The following ZDHHC21 variants were observed in gnomAD, a reference collection of about 807,000 sequenced individuals.
The protein encoded by ZDHHC21 is palmitoyltransferase ZDHHC21.
A neutral mutation model predicts 34.6 loss-of-function variants in ZDHHC21; 15 were observed. That is an observed-to-expected ratio of 0.43 (90% CI 0.29 to 0.67). The LOEUF is 0.67. Among genes scored for constraint, ZDHHC21 ranks in the 30% least tolerant of loss-of-function variants. The pLI is 0.14. For missense variants in ZDHHC21, 344 were observed against 327.7 expected (o/e 1.05, Z -0.38); for synonymous variants, 142 against 101.8 (o/e 1.40, Z -2.38).
chr9:14,672,774 TA>T, intron 5 of ZDHHC21, 55 bp downstream of exon 5: 1 of 1,187,258 alleles, frequency 8.4e-7, no homozygotes, highest in Non-Finnish European at 1.2e-6. Flanking sequence ...ATAAAATATG[TA>T]AATAAAGACA....
chr9:14,639,684 C>T (rs911581060), intron 8 of ZDHHC21, among the ~76,000 whole-genome samples: 4 of 151,988 alleles, frequency 2.6e-5, no homozygotes, highest in African/African-American at 9.7e-5. Context: ...TATAAAAACA[C>T]TGTATTTGTT....
intron 2 of ZDHHC21, among the ~76,000 whole-genome samples, chr9:14,684,283 G>C (rs1353839543): frequency 6.6e-6 from 1 of 151,842 alleles, no homozygotes; most frequent in Non-Finnish European, 1.5e-5. Context: ...CAGATGACAT[G>C]ATTGTGTATT....
intron 8 of ZDHHC21, 65 bp downstream of exon 8, chr9:14,639,831 G>C: frequency 2.1e-6 from 2 of 947,786 alleles, no homozygotes; most frequent in Non-Finnish European, 3.0e-6. Context: ...TATAACTTTT[G>C]AGAATTACAT....
rs374328304 is a variant in ZDHHC21, at chr9:14,684,193, T to C, written c.-175-4031A>G. ...TCCTATTCAACATAGTGTTGGAAGT[T>C]CTGGCCAGGGCAATTAGGCAGGAGA... On this transcript the variant is annotated intron_variant, in intron 2 of 9. Transcript: ENST00000380916. 4.6e-5 allele frequency among the ~76,000 whole-genome samples: 7 copies of C among 151,302 alleles called. No homozygotes were observed. In the East Asian group the frequency reaches 1.4e-3, roughly 30 times the overall value.
chr9:14,652,186 A>T (rs1272210280), intron 7 of ZDHHC21, among the ~76,000 whole-genome samples: 31 of 151,828 alleles, frequency 2.0e-4, no homozygotes, highest in Admixed American at 1.3e-3. Context: ...AGTTTCTGCA[A>T]TTTTTCTAGA....
In ZDHHC21 at chr9:14,681,498, G is replaced by C. The variant is rs1837364358; in HGVS notation, c.-175-1336C>G. ...ACTGTTAAACCATGCCAGTGAGTTT[G>C]GATTTCACCTGGAACACAGTGGAAA... is the stretch of plus-strand genomic sequence containing the variant. On this transcript the variant is annotated intron_variant, in intron 2 of 9. Transcript: ENST00000380916. Among the ~76,000 whole-genome samples the C allele has an allele frequency of 3.9e-5, 6 of 152,162 alleles. 1 individual carries two copies. The South Asian group carries it at 1.2e-3, about 31-fold the overall frequency.
intron 8 of ZDHHC21, among the ~76,000 whole-genome samples, chr9:14,624,172 G>C (rs181660756): frequency 6.6e-6 from 1 of 151,654 alleles, no homozygotes; most frequent in Non-Finnish European, 1.5e-5. Context: ...ACGTTGTATC[G>C]GGTATTATAA....
At chr9:14,638,507 C>CA (rs1233924447) in intron 8 of ZDHHC21, among the ~76,000 whole-genome samples, 1 of 151,770 alleles carries the variant, frequency 6.6e-6, no homozygotes, top group Non-Finnish European at 1.5e-5. Context: ...GCTAAGACCT[C>CA]AAAAAATGCA....
At chr9:14,672,975 C>T in intron 4 of ZDHHC21, 47 bp from the exon 5 acceptor site, 2 of 1,194,686 alleles carry the variant, frequency 1.7e-6, no homozygotes, top group Non-Finnish European at 2.3e-6. Flanking sequence ...CCCTTCAAAA[C>T]ATTTTATCAA....
chr9:14,596,636 A>G, the ZDHHC21 span, among the ~76,000 whole-genome samples: 2 of 152,228 alleles, frequency 1.3e-5, no homozygotes, highest in Non-Finnish European at 2.9e-5. Context: ...CTGGATTCAG[A>G]TAGGAAGACT....
chr9:14,607,421 T>A (rs538959861), downstream of ZDHHC21, among the ~76,000 whole-genome samples: 12 of 152,216 alleles, frequency 7.9e-5, no homozygotes, highest in Admixed American at 2.0e-4. Flanking sequence ...AAAGTTATTA[T>A]ATGTTAATAG....
In ZDHHC21 at chr9:14,615,386, C is replaced by A. The variant is rs960217377; in HGVS notation, c.*3580G>T. On this transcript the variant is annotated 3_prime_UTR_variant, in exon 10 of 10. Coordinates refer to ENST00000380916, the MANE Select transcript of ZDHHC21 (RefSeq NM_178566.6). Reference sequence around the variant, plus strand: ...GTTAATCCTGGCAGATGTTTTAACTCAGCTGTTATACTGAACATTACGTAT... The same window carrying A: ...GTTAATCCTGGCAGATGTTTTAACTAAGCTGTTATACTGAACATTACGTAT... The A allele has an allele frequency of 6.6e-6, 1 of 151,666 alleles. No homozygotes were observed. The highest frequency in any genetic ancestry group is 1.5e-5 in the Non-Finnish European group (1 of 67,698). 9.4% of individuals were successfully genotyped at this position (151,666 alleles called of 1,614,324 possible). A position where few individuals can be genotyped will look rare whatever the true frequency, so the allele number is the denominator to read the frequency against.
intron 8 of ZDHHC21, among the ~76,000 whole-genome samples, chr9:14,631,367 T>C (rs977739072): frequency 2.6e-5 from 4 of 152,178 alleles, no homozygotes; most frequent in Non-Finnish European, 5.9e-5. Flanking sequence ...AATTGAAGAG[T>C]TGGGGCCTTG....
intron 5 of ZDHHC21, among the ~76,000 whole-genome samples, chr9:14,668,317 G>C (rs1834856704): frequency 1.7e-5 from 2 of 117,440 alleles, no homozygotes; most frequent in Non-Finnish European, 3.5e-5. Flanking sequence ...CCTCTTCAAG[G>C]AGAACTACAA....
chr9:14,606,705 C>A (rs1311385729), downstream of ZDHHC21, among the ~76,000 whole-genome samples: 1 of 151,830 alleles, frequency 6.6e-6, no homozygotes, highest in Non-Finnish European at 1.5e-5. Context: ...TAAAGAAAAA[C>A]AAGTGACTGG....
At chr9:14,690,896 T>A (rs1025708174) in intron 1 of ZDHHC21, among the ~76,000 whole-genome samples, 2 of 152,234 alleles carry the variant, frequency 1.3e-5, no homozygotes, top group Non-Finnish European at 2.9e-5. Context: ...TTCTACTAGA[T>A]GCTAAATTGC....
At chr9:14,690,450 G>C (rs1295646127) in intron 1 of ZDHHC21, 65 bp from the exon 2 acceptor site, 9 of 418,182 alleles carry the variant, frequency 2.2e-5, no homozygotes, top group Non-Finnish European at 3.7e-5. Flanking sequence ...AGCATTTTAG[G>C]TTAGATTTAA....
chr9:14,595,665 G>C, the ZDHHC21 span, among the ~76,000 whole-genome samples: 1 of 152,096 alleles, frequency 6.6e-6, no homozygotes, highest in Non-Finnish European at 1.5e-5. Flanking sequence ...CAAAGGAATG[G>C]TATCCAGAAT....
chr9:14,666,060 G>C (rs1359108970), intron 5 of ZDHHC21, among the ~76,000 whole-genome samples: 22 of 150,074 alleles, frequency 1.5e-4, no homozygotes, highest in Admixed American at 1.5e-3. Flanking sequence ...TGGCAAATTG[G>C]ATAAAGAGTC....
Sources: allele counts gnomAD v4.1 joint callset (sites outside exome capture counted in the v4.1 genomes callset), GRCh38; gene constraint gnomAD v4.1.1; transcripts MANE v1.5; gene names NCBI Gene and HGNC (gene_info 2026-07-23, HGNC 2026-07-21).